The following TMTC2 variants were observed in gnomAD, a reference collection of about 807,000 sequenced individuals.
TMTC2 encodes transmembrane O-mannosyltransferase targeting cadherins 2, also known as protein O-mannosyl-transferase TMTC2.
A neutral mutation model predicts 82.4 loss-of-function variants in TMTC2; 43 were observed. That is an observed-to-expected ratio of 0.52 (90% confidence interval 0.41 to 0.67). The LOEUF (loss-of-function observed/expected upper bound fraction) is 0.67, where lower values mean the gene tolerates loss of function less well. Ranked by LOEUF, TMTC2 falls within the 30% of genes least tolerant of loss-of-function variation. The probability of loss-of-function intolerance (pLI) is 0.00; values close to 1 mark genes in which losing one functional copy is unlikely to be tolerated. For synonymous variants in TMTC2, 408 were observed against 381.9 expected (o/e 1.07, Z -0.80); for missense variants, 919 against 1,012.4 (o/e 0.91, Z 1.25).
intron 1 of TMTC2, among the ~76,000 whole-genome samples, chr12:82,848,018 A>G (rs537657199): frequency 1.3e-5 from 2 of 152,284 alleles, no homozygotes; most frequent in East Asian, 3.9e-4. Context: ...CAAAAGATAA[A>G]TAAGATGCCT....
intron 4 of TMTC2, among the ~76,000 whole-genome samples, chr12:82,945,787 T>A (rs1218755416): frequency 1.3e-5 from 2 of 152,196 alleles, no homozygotes; most frequent in Non-Finnish European, 2.9e-5. Flanking sequence ...GGAAATATAG[T>A]AATATTGTCT....
intron 1 of TMTC2, among the ~76,000 whole-genome samples, chr12:82,707,328 C>G (rs915059520): frequency 6.6e-6 from 1 of 152,164 alleles, no homozygotes; most frequent in Non-Finnish European, 1.5e-5. Context: ...GACCTAATCA[C>G]CTCCCAGATG....
chr12:82,873,213 TTGTGTGTGTGTGTGTG>T (rs35177760), intron 2 of TMTC2, among the ~76,000 whole-genome samples: 3 of 143,532 alleles, frequency 2.1e-5, no homozygotes, highest in South Asian at 4.5e-4. Context: ...TTCAAAGATG[TTGTGTGTGTGTGTGTG>T]TGTGTGTGTG....
At chr12:83,000,887 T>C (rs1240604883) in intron 8 of TMTC2, among the ~76,000 whole-genome samples, 1 of 152,146 alleles carries the variant, frequency 6.6e-6, no homozygotes, top group Non-Finnish European at 1.5e-5. Context: ...ACCTGCAGGC[T>C]CAACACCACA....
chr12:82,905,290 A>T (rs1010581488), intron 3 of TMTC2, among the ~76,000 whole-genome samples: 4 of 152,222 alleles, frequency 2.6e-5, no homozygotes, highest in Non-Finnish European at 5.9e-5. Context: ...TGTAGTATAT[A>T]TGGCAGCACA....
chr12:83,054,419 A>G (rs1882460392), intron 10 of TMTC2, among the ~76,000 whole-genome samples: 1 of 152,002 alleles, frequency 6.6e-6, no homozygotes, highest in Non-Finnish European at 1.5e-5. Context: ...AGCTATAAAT[A>G]TTTCCCCAGA....
intron 9 of TMTC2, among the ~76,000 whole-genome samples, chr12:83,032,345 TG>T (rs1295518458): frequency 6.7e-6 from 1 of 149,296 alleles, no homozygotes; most frequent in Non-Finnish European, 1.5e-5. Flanking sequence ...CCTTTTGAAC[TG>T]CAATTTCACT....
rs371055023 is a variant in TMTC2 at position 83,060,342 on chromosome 12, T to C, written c.2268-1426T>C. Among the ~76,000 whole-genome samples, 11 of 151,926 alleles carry C rather than the reference T, an allele frequency of 7.2e-5. No individual in the cohort carries two copies. In the East Asian group the frequency reaches 2.1e-3, roughly 29 times the overall value. On this transcript the variant is annotated intron_variant, in intron 10 of 11. Transcript: ENST00000321196. ...ATAATTTATATGGTTGCATGGGGTATGTTTTTATAGTTTGTATTTGGCTTG... is the reference window on the plus strand; with the variant it reads ...ATAATTTATATGGTTGCATGGGGTACGTTTTTATAGTTTGTATTTGGCTTG...
intron 3 of TMTC2, among the ~76,000 whole-genome samples, chr12:82,899,705 TA>T (rs1273203275): frequency 1.6e-4 from 23 of 143,448 alleles, no homozygotes; most frequent in African/African-American, 5.3e-4. Context: ...AAAATATATA[TA>T]TGTGGAATAT....
At chr12:82,809,709 A>G (rs768435102) in intron 1 of TMTC2, among the ~76,000 whole-genome samples, 3 of 152,124 alleles carry the variant, frequency 2.0e-5, no homozygotes, top group Non-Finnish European at 4.4e-5. Flanking sequence ...TGTATGCAAT[A>G]AGTCATTGCC....
chr12:82,761,687 C>A (rs748681204), intron 1 of TMTC2, among the ~76,000 whole-genome samples: 1 of 152,138 alleles, frequency 6.6e-6, no homozygotes, highest in Non-Finnish European at 1.5e-5. Context: ...GAAGTGACCT[C>A]TTTATTTCCA....
At chr12:83,033,751 C>CA (rs1396214383) in intron 9 of TMTC2, among the ~76,000 whole-genome samples, 11 of 143,434 alleles carry the variant, frequency 7.7e-5, no homozygotes, top group East Asian at 6.1e-4. Context: ...ACTCTTGTCT[C>CA]AAAAAAAATA....
intron 1 of TMTC2, among the ~76,000 whole-genome samples, chr12:82,806,373 T>G (rs2137043260): frequency 6.6e-6 from 1 of 152,284 alleles, no homozygotes; most frequent in South Asian, 2.1e-4. Context: ...TTCCTCCAAC[T>G]TGCCTGCAAG....
chr12:83,114,735 T>C (rs566285056), intron 11 of TMTC2, among the ~76,000 whole-genome samples: 1 of 152,290 alleles, frequency 6.6e-6, no homozygotes, highest in Non-Finnish European at 1.5e-5. Flanking sequence ...TTCTTCTGAA[T>C]TTGATTGTTG....
chr12:82,929,624 C>T (rs1325578725), intron 3 of TMTC2, among the ~76,000 whole-genome samples: 1 of 152,132 alleles, frequency 6.6e-6, no homozygotes, highest in Non-Finnish European at 1.5e-5. Flanking sequence ...TTCTCATCCT[C>T]ATCATTTGCT....
chr12:82,961,763 C>T (rs1877947660), intron 4 of TMTC2, among the ~76,000 whole-genome samples: 1 of 152,118 alleles, frequency 6.6e-6, no homozygotes, highest in South Asian at 2.1e-4. Flanking sequence ...CTCTGTCCTC[C>T]AGTACAGTAA....
chr12:82,812,664 T>C (rs1455131488), intron 1 of TMTC2, among the ~76,000 whole-genome samples: 1 of 152,132 alleles, frequency 6.6e-6, no homozygotes, highest in Non-Finnish European at 1.5e-5. Flanking sequence ...TTTCTGTAGG[T>C]TTATTGAAAT....
At chr12:83,026,857 A>C (rs1427190019) in intron 8 of TMTC2, among the ~76,000 whole-genome samples, 1 of 152,036 alleles carries the variant, frequency 6.6e-6, no homozygotes, top group East Asian at 1.9e-4. Context: ...ACCTGAGCTG[A>C]ACAGTGGTAG....
At chr12:82,738,466 A>G (rs561797901) in intron 1 of TMTC2, among the ~76,000 whole-genome samples, 2 of 152,334 alleles carry the variant, frequency 1.3e-5, no homozygotes, top group Admixed American at 6.5e-5. Context: ...TTTACATTCT[A>G]AATGAATGCA....
Sources: allele counts gnomAD v4.1 joint callset (sites outside exome capture counted in the v4.1 genomes callset), GRCh38; gene constraint gnomAD v4.1.1; transcripts MANE v1.5; gene names NCBI Gene and HGNC (gene_info 2026-07-23, HGNC 2026-07-21).